The following SAMD12 variants were observed in gnomAD, a reference collection of about 807,000 sequenced individuals.
SAMD12 encodes sterile alpha motif domain-containing protein 12.
SAMD12 carries 9 observed loss-of-function variants against 15.0 expected under a neutral mutation model. The observed-to-expected ratio is 0.60, with a 90% CI of 0.36 to 1.05. SAMD12 has a LOEUF of 1.05. Ranked by LOEUF, SAMD12 falls within the 50% of genes least tolerant of loss-of-function variation. The pLI, the probability that SAMD12 is intolerant of heterozygous loss-of-function variation, is 0.01. For synonymous variants in SAMD12, 86 were observed against 90.1 expected, an observed-to-expected ratio of 0.96 and a Z score of 0.25; for missense variants, 230 against 234.2, an observed-to-expected ratio of 0.98 and a Z score of 0.12.
chr8:118,562,207 C>T (rs971232190), intron 2 of SAMD12, among the ~76,000 whole-genome samples: 1 of 152,006 alleles, frequency 6.6e-6, no homozygotes, highest in Non-Finnish European at 1.5e-5. Context: ...TTTTATTTTG[C>T]CCGTTAACAT....
In SAMD12 at chr8:118,273,599, C is replaced by T. The variant is rs141580706; in HGVS notation, c.434-75867G>A. On this transcript the variant is annotated intron_variant, in intron 4 of 4. Coordinates refer to the SAMD12 transcript ENST00000409003. ...ATGGGGGAAGGTACAGCTCAGAGTT[C>T]GGGAGACCCTCCCAGAGTGGCCCCA... 2.1e-3 allele frequency among the ~76,000 whole-genome samples: 317 copies of T among 152,206 alleles called. 1 individual carries two copies. The highest frequency in any genetic ancestry group is 7.1e-3 in the African/African-American group (294 of 41,520).
In SAMD12 at chr8:118,284,718, A is replaced by G. The variant is rs182163455; in HGVS notation, c.434-86986T>C. On this transcript the variant is annotated intron_variant, in intron 4 of 4. Coordinates refer to the SAMD12 transcript ENST00000409003. ...AGCACTTTGGGAGGCCAAGGCGGGC[A>G]GATCACGAGGTCAGGAGATCGAGAC... The G allele has an allele frequency of 5.2e-4, 89 of 171,888 alleles. 1 individual carries two copies. Among genetic ancestry groups the G allele is most frequent in the African/African-American group, 1.6e-3 (66 of 41,770 alleles). 10.6% of individuals were successfully genotyped at this position (171,888 alleles called of 1,614,324 possible). A position where few individuals can be genotyped will look rare whatever the true frequency, so the allele number is the denominator to read the frequency against.
chr8:118,538,489 A>G (rs1825907617), intron 2 of SAMD12, among the ~76,000 whole-genome samples: 1 of 152,106 alleles, frequency 6.6e-6, no homozygotes, highest in Non-Finnish European at 1.5e-5. Flanking sequence ...TCCCCTGTGG[A>G]CACTGGTTGA....
intron 2 of SAMD12, among the ~76,000 whole-genome samples, chr8:118,503,375 C>A (rs1168894144): frequency 6.6e-6 from 1 of 152,082 alleles, no homozygotes; most frequent in African/African-American, 2.4e-5. Flanking sequence ...TAGGGCAGGT[C>A]CTTTAATGGA....
the SAMD12 span, among the ~76,000 whole-genome samples, chr8:118,148,098 T>A: frequency 3.6e-4 from 54 of 152,108 alleles, no homozygotes; most frequent in African/African-American, 1.2e-3. Flanking sequence ...CGGCTAATTT[T>A]TGTATTTTTT....
the SAMD12 span, among the ~76,000 whole-genome samples, chr8:118,155,270 C>T: frequency 0.3 from 45,290 of 151,878 alleles, 6,708 homozygotes; most frequent in Admixed American, 0.33. Flanking sequence ...AAAGTTAGAA[C>T]GGACTCAACC....
chr8:118,134,496 C>T, the SAMD12 span, among the ~76,000 whole-genome samples: 1 of 152,128 alleles, frequency 6.6e-6, no homozygotes, highest in Non-Finnish European at 1.5e-5. Flanking sequence ...TTCAATGTGT[C>T]GTTCCTAGAC....
the SAMD12 span, among the ~76,000 whole-genome samples, chr8:118,165,632 A>ACATATATATATATATATATG: frequency 7.0e-6 from 1 of 143,066 alleles, no homozygotes; most frequent in African/African-American, 2.7e-5. Flanking sequence ...ATATATATAT[A>ACATATATATATATATATATG]TATACATATA....
intron 2 of SAMD12, among the ~76,000 whole-genome samples, chr8:118,552,863 C>G (rs905061175): frequency 7.2e-5 from 11 of 151,814 alleles, no homozygotes; most frequent in African/African-American, 2.7e-4. Flanking sequence ...GTACAAAAAT[C>G]ACAAGCATTC....
intron 2 of SAMD12, among the ~76,000 whole-genome samples, chr8:118,507,846 G>A (rs1025801532): frequency 2.0e-4 from 31 of 152,058 alleles, no homozygotes; most frequent in African/African-American, 7.0e-4. Flanking sequence ...GCTTGAGTAT[G>A]TGTGGGTTTT....
chr8:118,378,711 C>A lies in SAMD12; in HGVS notation c.*706G>T. The A allele has an allele frequency of 1.0e-6, 1 of 984,900 alleles. No homozygotes were observed. The highest frequency in any genetic ancestry group is 1.2e-6 in the Non-Finnish European group (1 of 829,534). The allele number at this position is 984,900 out of a possible 1,614,324, so 61.0% of individuals were successfully genotyped here. On this transcript the variant is annotated 3_prime_UTR_variant, in exon 4 of 4. Transcript: ENST00000314727. Reference sequence around the variant, plus strand: ...TCATCCTTTCATTTAAAACGATGTACAATGGACGCTAAAATAAAACAAATA... The same window carrying A: ...TCATCCTTTCATTTAAAACGATGTAAAATGGACGCTAAAATAAAACAAATA...
chr8:118,615,794 G>T (rs766688453), intron 1 of SAMD12, among the ~76,000 whole-genome samples: 44 of 152,346 alleles, frequency 2.9e-4, no homozygotes, highest in Middle Eastern at 6.8e-3. Flanking sequence ...AGATGAGAAA[G>T]AAAGGGTGGG....
At chr8:118,422,436 G>A (rs1156826405) in intron 3 of SAMD12, among the ~76,000 whole-genome samples, 1 of 151,858 alleles carries the variant, frequency 6.6e-6, no homozygotes, top group Non-Finnish European at 1.5e-5. Context: ...TCCAGAGAGG[G>A]TAGGGAGGAG....
chr8:118,322,495 T>C (rs1022832796), intron 4 of SAMD12, among the ~76,000 whole-genome samples: 3 of 152,254 alleles, frequency 2.0e-5, no homozygotes, highest in Non-Finnish European at 4.4e-5. Flanking sequence ...TTCTCAGTCA[T>C]GTTCTGGAGC....
intron 2 of SAMD12, among the ~76,000 whole-genome samples, chr8:118,574,546 T>C (rs112636030): frequency 0.014 from 2,138 of 152,322 alleles, 48 homozygotes; most frequent in African/African-American, 0.049. Flanking sequence ...AGGTTTTCTT[T>C]TTTCTTGATT....
chr8:118,533,453 G>T (rs1215760133), intron 2 of SAMD12, among the ~76,000 whole-genome samples: 1 of 152,172 alleles, frequency 6.6e-6, no homozygotes, highest in East Asian at 1.9e-4. Context: ...ATGTCTATTA[G>T]GTCCACTTGG....
At chr8:118,140,881 C>T in the SAMD12 span, among the ~76,000 whole-genome samples, 2 of 152,164 alleles carry the variant, frequency 1.3e-5, no homozygotes, top group African/African-American at 4.8e-5. Flanking sequence ...TACAGAAGAA[C>T]CCTGGCCCTC....
At chr8:118,558,880 A>C (rs1220528618) in intron 2 of SAMD12, among the ~76,000 whole-genome samples, 1 of 152,180 alleles carries the variant, frequency 6.6e-6, no homozygotes, top group African/African-American at 2.4e-5. Context: ...GACTTCATGA[A>C]GAAGTGGATC....
chr8:118,332,620 G>A (rs2130505021), intron 4 of SAMD12, among the ~76,000 whole-genome samples: 1 of 152,350 alleles, frequency 6.6e-6, no homozygotes, highest in Admixed American at 6.5e-5. Flanking sequence ...CAGAGGGCAT[G>A]GGACCTTGGC....
Sources: gnomAD v4.1 joint callset for allele counts (sites outside exome capture counted in the v4.1 genomes callset) on GRCh38, gnomAD v4.1.1 for gene constraint, MANE v1.5 for transcripts, NCBI Gene and HGNC (gene_info 2026-07-23, HGNC 2026-07-21) for gene names.